SPMIP7: variants seen among roughly 807,000 people sequenced by gnomAD.
SPMIP7 encodes sperm microtubule inner protein 7, also known as protein SPMIP7.
At chr7:50,114,461 G>A in the SPMIP7 span, among the ~76,000 whole-genome samples, 9,824 of 151,954 alleles carry the variant, frequency 0.065, 618 homozygotes, top group Admixed American at 0.17. Context: ...AGTTAAAGAT[G>A]TATATTGTAA....
chr7:50,098,141 T>TC, the SPMIP7 span, among the ~76,000 whole-genome samples: 126,050 of 152,002 alleles, frequency 0.83, 52,303 homozygotes, highest in East Asian at 0.88. Context: ...ATTAATTACA[T>TC]ACACACTGGT....
the SPMIP7 span, among the ~76,000 whole-genome samples, chr7:50,148,271 T>C: frequency 6.6e-6 from 1 of 152,228 alleles, no homozygotes; most frequent in Non-Finnish European, 1.5e-5. Flanking sequence ...ATCAGTCTAA[T>C]CTTCCATGAA....
At chr7:50,156,412 A>G in the SPMIP7 span, among the ~76,000 whole-genome samples, 1 of 151,930 alleles carries the variant, frequency 6.6e-6, no homozygotes, top group African/African-American at 2.4e-5. Flanking sequence ...ATCCCCTGGG[A>G]ACTCCTGAAT....
the SPMIP7 span, among the ~76,000 whole-genome samples, chr7:50,130,014 G>T: frequency 6.6e-6 from 1 of 152,072 alleles, no homozygotes; most frequent in Non-Finnish European, 1.5e-5. Context: ...GAAAGTAAAT[G>T]GTCAAAGAGG....
chr7:50,131,591 T>TA, the SPMIP7 span, among the ~76,000 whole-genome samples: 2 of 151,754 alleles, frequency 1.3e-5, no homozygotes, highest in Non-Finnish European at 2.9e-5. Context: ...GGCATCTCGT[T>TA]AAAAAAGAGA....
At chr7:50,114,259 T>A in the SPMIP7 span, among the ~76,000 whole-genome samples, 1 of 152,288 alleles carries the variant, frequency 6.6e-6, no homozygotes, top group East Asian at 1.9e-4. Context: ...AAAATACTAT[T>A]TTTCATCTTG....
the SPMIP7 span, among the ~76,000 whole-genome samples, chr7:50,156,636 T>C: frequency 1.3e-5 from 2 of 151,590 alleles, no homozygotes; most frequent in Non-Finnish European, 2.9e-5. Flanking sequence ...CCTCCTCCTC[T>C]CCATATCCCA....
At chr7:50,134,498 A>G in the SPMIP7 span, among the ~76,000 whole-genome samples, 1 of 152,166 alleles carries the variant, frequency 6.6e-6, no homozygotes, top group Non-Finnish European at 1.5e-5. Context: ...TGATTATGTA[A>G]AGACTACCTC....
At chr7:50,097,115 A>G in the SPMIP7 span, among the ~76,000 whole-genome samples, 1 of 152,216 alleles carries the variant, frequency 6.6e-6, no homozygotes, top group Non-Finnish European at 1.5e-5. Flanking sequence ...AACTCTGCAT[A>G]AATAGCTCCA....
At chr7:50,118,210 G>T in the SPMIP7 span, among the ~76,000 whole-genome samples, 1 of 152,138 alleles carries the variant, frequency 6.6e-6, no homozygotes, top group African/African-American at 2.4e-5. Context: ...TGAACTCAAA[G>T]AGCTCTCAGA....
chr7:50,120,560 A>G, the SPMIP7 span, among the ~76,000 whole-genome samples: 1 of 152,150 alleles, frequency 6.6e-6, no homozygotes, highest in Non-Finnish European at 1.5e-5. Context: ...AGAAAGCTTA[A>G]TTTAAAAGGT....
chr7:50,134,527 C>T, the SPMIP7 span, among the ~76,000 whole-genome samples: 1 of 152,122 alleles, frequency 6.6e-6, no homozygotes, highest in Non-Finnish European at 1.5e-5. Flanking sequence ...AAGTTATTTG[C>T]AATGACTGTG....
At chr7:50,104,128 G>A in the SPMIP7 span, among the ~76,000 whole-genome samples, 1 of 152,054 alleles carries the variant, frequency 6.6e-6, no homozygotes, top group Non-Finnish European at 1.5e-5. Flanking sequence ...TTGTAATTCG[G>A]CTCACATAGA....
the SPMIP7 span, among the ~76,000 whole-genome samples, chr7:50,140,804 T>C: frequency 6.6e-6 from 1 of 152,218 alleles, no homozygotes; most frequent in Admixed American, 6.5e-5. Context: ...CCAGAAGTCC[T>C]TGAAACTCTC....
the SPMIP7 span, chr7:50,151,491 C>T: frequency 3.2e-6 from 5 of 1,551,636 alleles, no homozygotes; most frequent in Non-Finnish European, 4.4e-6. Context: ...GTTCATTTCA[C>T]AGCCACCCAC....
At chr7:50,131,876 A>G in the SPMIP7 span, among the ~76,000 whole-genome samples, 127,165 of 152,086 alleles carry the variant, frequency 0.84, 53,208 homozygotes, top group East Asian at 0.92. Flanking sequence ...AAGAGAGGCA[A>G]CAAAGAGAAT....
the SPMIP7 span, among the ~76,000 whole-genome samples, chr7:50,158,361 G>A: frequency 8.5e-3 from 1,271 of 149,904 alleles, 22 homozygotes; most frequent in African/African-American, 0.028. Context: ...ACCTCTGGAT[G>A]TGGCCCAGGT....
At chr7:50,134,810 C>T in the SPMIP7 span, among the ~76,000 whole-genome samples, 2 of 152,154 alleles carry the variant, frequency 1.3e-5, no homozygotes, top group Admixed American at 6.5e-5. Flanking sequence ...ATATCTATGC[C>T]ATAGCCAGAT....
chr7:50,146,782 G>T, the SPMIP7 span, among the ~76,000 whole-genome samples: 1 of 152,022 alleles, frequency 6.6e-6, no homozygotes, highest in Non-Finnish European at 1.5e-5. Flanking sequence ...CTCTTCCTCC[G>T]TCTCCCACTT....
Sources: gnomAD v4.1 joint callset for allele counts (sites outside exome capture counted in the v4.1 genomes callset) on GRCh38, gnomAD v4.1.1 for gene constraint, MANE v1.5 for transcripts, NCBI Gene and HGNC (gene_info 2026-07-23, HGNC 2026-07-21) for gene names.